HECW2: variants seen among roughly 807,000 people sequenced by gnomAD.
HECW2 encodes E3 ubiquitin-protein ligase HECW2.
HECW2 carries 61 observed loss-of-function variants against 175.2 expected under a neutral mutation model. That is an observed-to-expected ratio of 0.35 (90% CI 0.28 to 0.43). HECW2 has a LOEUF of 0.43. Among genes scored for constraint, HECW2 ranks in the 20% least tolerant of loss-of-function variants. The pLI, the probability that HECW2 is intolerant of heterozygous loss-of-function variation, is 1.00. For missense variants in HECW2, 1,524 were observed against 2,000.5 expected (o/e 0.76, Z 4.54); for synonymous variants, 671 against 731.0 (o/e 0.92, Z 1.32).
At chr2:196,299,329 T>A (rs200458770) in intron 13 of HECW2, among the ~76,000 whole-genome samples, 3 of 144,562 alleles carry the variant, frequency 2.1e-5, no homozygotes, top group African/African-American at 2.5e-5. Context: ...CAAAATAAGT[T>A]AAAAAAAAAA....
At position 196,334,653 on chromosome 2, in the gene HECW2, G is replaced by A. The variant is rs9808039; in HGVS notation, c.401-135C>T. The A allele has an allele frequency of 0.012, 8,119 of 666,898 alleles. 512 individuals carry two copies. In the African/African-American group the frequency reaches 0.13, roughly 11 times the overall value. 41.3% of individuals were successfully genotyped at this position (666,898 alleles called of 1,614,324 possible). On this transcript the variant is annotated intron_variant, in intron 3 of 28. Coordinates refer to ENST00000644978, the MANE Select transcript of HECW2 (RefSeq NM_001348768.2). ...GAATGACCTCTTTTTTCCACTCAGC[G>A]CCAACAAATTACATCAATTTCTGTT...
chr2:196,538,326 C>T (rs1689090404), intron 1 of HECW2, among the ~76,000 whole-genome samples: 1 of 152,090 alleles, frequency 6.6e-6, no homozygotes, highest in Admixed American at 6.5e-5. Context: ...AGGCCCTGTC[C>T]CAAGAGATTC....
intron 1 of HECW2, among the ~76,000 whole-genome samples, chr2:196,544,678 G>A (rs1689347943): frequency 1.3e-5 from 2 of 152,188 alleles, no homozygotes; most frequent in Non-Finnish European, 2.9e-5. Context: ...TCCCTGGAGA[G>A]TATTTCTATT....
At chr2:196,314,822 C>T (rs1233187579) in intron 10 of HECW2, among the ~76,000 whole-genome samples, 1 of 152,162 alleles carries the variant, frequency 6.6e-6, no homozygotes, top group African/African-American at 2.4e-5. Flanking sequence ...CCAATCTGCA[C>T]GATCCAGCCA....
chr2:196,255,591 T>C (rs1463966759), intron 18 of HECW2, among the ~76,000 whole-genome samples: 1 of 152,200 alleles, frequency 6.6e-6, no homozygotes, highest in Admixed American at 6.5e-5. Context: ...TTGAATAATG[T>C]CCTAGAGCAA....
intron 2 of HECW2, among the ~76,000 whole-genome samples, chr2:196,409,320 T>C (rs1695046877): frequency 6.6e-6 from 1 of 152,210 alleles, no homozygotes; most frequent in Non-Finnish European, 1.5e-5. Context: ...ATCTCTGTGC[T>C]GTTGACTAAA....
chr2:196,229,031 C>T (rs1035834895), intron 21 of HECW2, among the ~76,000 whole-genome samples: 6 of 151,932 alleles, frequency 3.9e-5, no homozygotes, highest in South Asian at 4.1e-4. Context: ...CCAAAAATGA[C>T]GAGAGTAAAA....
At chr2:196,296,961 G>A (rs1468662086) in intron 13 of HECW2, among the ~76,000 whole-genome samples, 1 of 152,152 alleles carries the variant, frequency 6.6e-6, no homozygotes, top group Non-Finnish European at 1.5e-5. Flanking sequence ...TTCTATGTTT[G>A]TTTGTTTGCT....
chr2:196,211,363 T>C (rs1687278615), intron 28 of HECW2, among the ~76,000 whole-genome samples: 1 of 152,052 alleles, frequency 6.6e-6, no homozygotes, highest in Admixed American at 6.5e-5. Context: ...GCACCAGGGG[T>C]ATGAAGTCTT....
chr2:196,357,173 G>A (rs917077971), intron 2 of HECW2, among the ~76,000 whole-genome samples: 2 of 152,220 alleles, frequency 1.3e-5, no homozygotes, highest in African/African-American at 4.8e-5. Context: ...CCAGGCCAAC[G>A]ACCAAGCATG....
chr2:196,507,302 G>A (rs1316828135), intron 1 of HECW2, among the ~76,000 whole-genome samples: 1 of 151,436 alleles, frequency 6.6e-6, no homozygotes, highest in African/African-American at 2.4e-5. Context: ...TTTGAGGTAA[G>A]TAATACCCAA....
intron 2 of HECW2, among the ~76,000 whole-genome samples, chr2:196,386,642 G>T (rs1694359471): frequency 1.3e-5 from 2 of 152,110 alleles, no homozygotes; most frequent in African/African-American, 4.8e-5. Context: ...CTCTTTTTAA[G>T]CAAAATGAAG....
chr2:196,449,112 TAAAGATATGGGGA>T (rs1268384698), intron 1 of HECW2, among the ~76,000 whole-genome samples: 1 of 152,128 alleles, frequency 6.6e-6, no homozygotes, highest in African/African-American at 2.4e-5. Flanking sequence ...TCTCTTAGCC[TAAAGATATGGGGA>T]AAAAGGAAGA....
chr2:196,410,313 T>C (rs1695075585), intron 2 of HECW2, among the ~76,000 whole-genome samples: 1 of 152,228 alleles, frequency 6.6e-6, no homozygotes, highest in Admixed American at 6.5e-5. Flanking sequence ...ATCCTAAAAG[T>C]GATGACAAGA....
intron 21 of HECW2, among the ~76,000 whole-genome samples, chr2:196,237,933 C>T (rs1162818883): frequency 6.6e-6 from 1 of 152,172 alleles, no homozygotes; most frequent in African/African-American, 2.4e-5. Flanking sequence ...TCTCTAAAAA[C>T]CTTGATTCTT....
intron 11 of HECW2, 150 bp from the exon 12 acceptor site, chr2:196,307,383 G>T: frequency 2.1e-6 from 1 of 486,658 alleles, no homozygotes; most frequent in Non-Finnish European, 3.6e-6. Context: ...GCCACCTGCT[G>T]TTTAAATTAC....
At chr2:196,508,036 AT>A (rs1687826470) in intron 1 of HECW2, among the ~76,000 whole-genome samples, 1 of 152,218 alleles carries the variant, frequency 6.6e-6, no homozygotes, top group Non-Finnish European at 1.5e-5. Context: ...TGTTTTAAAT[AT>A]TGTTTTCTTA....
chr2:196,513,419 G>A (rs1240360290), intron 1 of HECW2, among the ~76,000 whole-genome samples: 3 of 152,178 alleles, frequency 2.0e-5, no homozygotes, highest in Non-Finnish European at 2.9e-5. Context: ...TGAGGTAGGA[G>A]GATCACCCGA....
intron 28 of HECW2, among the ~76,000 whole-genome samples, chr2:196,210,456 T>G (rs1450357157): frequency 1.3e-5 from 2 of 152,132 alleles, no homozygotes; most frequent in Non-Finnish European, 1.5e-5. Context: ...CCCAAGTACC[T>G]GGGACTCCAA....
Sources: gnomAD v4.1 joint callset for allele counts (sites outside exome capture counted in the v4.1 genomes callset) on GRCh38, gnomAD v4.1.1 for gene constraint, MANE v1.5 for transcripts, NCBI Gene and HGNC (gene_info 2026-07-23, HGNC 2026-07-21) for gene names.